SLC24A3: variants seen among roughly 807,000 people sequenced by gnomAD.
SLC24A3 encodes the protein sodium/potassium/calcium exchanger 3.
In SLC24A3, 28 loss-of-function variants were observed where a neutral mutation model predicts 75.8. The observed-to-expected ratio is 0.37, with a 90% CI of 0.27 to 0.51. The LOEUF is 0.51. Ranked by LOEUF, SLC24A3 falls within the 20% of genes least tolerant of loss-of-function variation. SLC24A3 has a pLI of 0.94. For synonymous variants in SLC24A3, 372 were observed against 334.1 expected, an observed-to-expected ratio of 1.11 and a Z score of -1.24; for missense variants, 663 against 847.8, an observed-to-expected ratio of 0.78 and a Z score of 2.71.
intron 2 of SLC24A3, among the ~76,000 whole-genome samples, chr20:19,373,151 C>T (rs1252923131): frequency 1.3e-5 from 2 of 152,106 alleles, no homozygotes; most frequent in African/African-American, 4.8e-5. Flanking sequence ...GCCTGTCTCA[C>T]TTTGTCTATT....
chr20:19,230,683 A>G (rs1981997195), intron 1 of SLC24A3, among the ~76,000 whole-genome samples: 1 of 151,592 alleles, frequency 6.6e-6, no homozygotes, highest in South Asian at 2.1e-4. Context: ...CCTTTACAAC[A>G]GTTCCTTTCA....
intron 2 of SLC24A3, among the ~76,000 whole-genome samples, chr20:19,315,273 G>A (rs1194856400): frequency 6.6e-6 from 1 of 152,160 alleles, no homozygotes; most frequent in African/African-American, 2.4e-5. Context: ...AAATGGAAAG[G>A]AGGCTGCGGC....
At chr20:19,580,456 A>C (rs1007223413) in intron 4 of SLC24A3, among the ~76,000 whole-genome samples, 4 of 151,766 alleles carry the variant, frequency 2.6e-5, no homozygotes, top group Admixed American at 2.6e-4. Context: ...CTCTCCTTTG[A>C]TATCCATGGC....
At chr20:19,556,401 C>G (rs749185923) in intron 3 of SLC24A3, among the ~76,000 whole-genome samples, 1 of 152,060 alleles carries the variant, frequency 6.6e-6, no homozygotes, top group Non-Finnish European at 1.5e-5. Flanking sequence ...TGTCCTCTCT[C>G]CCACCCCATC....
chr20:19,257,503 A>T (rs1003446336), intron 1 of SLC24A3: 3 of 152,238 alleles, frequency 2.0e-5, no homozygotes, highest in Non-Finnish European at 4.4e-5. Flanking sequence ...AAAAGGCTCA[A>T]TGTCAAAACA....
chr20:19,212,995 G>C lies in SLC24A3; in HGVS notation c.142+11G>C. ...TGCGAGAGCAGAAGGGTGAGTGCAC[G>C]CTGCCTGCCCCGAGTGGGCGCTGCG... On this transcript the variant is annotated intron_variant, in intron 1 of 16. Transcript: ENST00000328041. 2.4e-6 allele frequency: 3 copies of C among 1,266,192 alleles called. No homozygotes were observed. Among genetic ancestry groups the C allele is most frequent in the Non-Finnish European group, 3.0e-6 (3 of 1,003,662 alleles). The allele number at this position is 1,266,192 out of a possible 1,614,324, so 78.4% of individuals were successfully genotyped here.
intron 2 of SLC24A3, among the ~76,000 whole-genome samples, chr20:19,404,540 C>T (rs980808080): frequency 6.6e-6 from 1 of 152,208 alleles, no homozygotes; most frequent in African/African-American, 2.4e-5. Flanking sequence ...CAGTTTTTTG[C>T]CTGGCCTTCC....
chr20:19,283,535 G>A (rs73899696), intron 2 of SLC24A3, among the ~76,000 whole-genome samples: 1 of 152,174 alleles, frequency 6.6e-6, no homozygotes, highest in African/African-American at 2.4e-5. Context: ...ATTGGACAGG[G>A]TGGTCAGAAC....
At chr20:19,307,016 G>A (rs1188833271) in intron 2 of SLC24A3, among the ~76,000 whole-genome samples, 1 of 152,158 alleles carries the variant, frequency 6.6e-6, no homozygotes, top group Non-Finnish European at 1.5e-5. Context: ...GCCTTCTGAA[G>A]GCTCTGGCTG....
At chr20:19,213,037 G>A (rs1218018349) in intron 1 of SLC24A3, 53 bp downstream of exon 1, 2 of 1,182,456 alleles carry the variant, frequency 1.7e-6, no homozygotes, top group Non-Finnish European at 2.1e-6. Flanking sequence ...GCGGCTCGGG[G>A]CTCCCGGGGC....
chr20:19,412,289 C>T (rs1335724585), intron 2 of SLC24A3, among the ~76,000 whole-genome samples: 3 of 152,036 alleles, frequency 2.0e-5, no homozygotes, highest in Non-Finnish European at 4.4e-5. Context: ...GGTGGCAAGA[C>T]AGAACTGTAA....
chr20:19,354,696 C>T (rs7272968), intron 2 of SLC24A3, among the ~76,000 whole-genome samples: 17,086 of 151,246 alleles, frequency 0.11, 2,592 homozygotes, highest in African/African-American at 0.35. Flanking sequence ...AAGATTAAAA[C>T]TACATGAGAT....
At chr20:19,319,558 A>T (rs1035950784) in intron 2 of SLC24A3, among the ~76,000 whole-genome samples, 7 of 152,224 alleles carry the variant, frequency 4.6e-5, no homozygotes, top group Non-Finnish European at 1.0e-4. Context: ...AGATGCAGAA[A>T]TTAATAAAAT....
In SLC24A3 at chr20:19,715,369, G is replaced by A. The variant is rs528547334; in HGVS notation, c.1720-2159G>A. 1.1e-4 allele frequency among the ~76,000 whole-genome samples: 17 copies of A among 152,286 alleles called. 1 individual carries two copies. In the South Asian group the frequency reaches 2.7e-3, roughly 24 times the overall value. ...GTTAAGCCACCAGCTGGACTGCGAC[G>A]GGGCCGATCTGCCATTTTTCCACAC... is the stretch of plus-strand genomic sequence containing the variant. On this transcript the variant is annotated intron_variant, in intron 15 of 16. Coordinates refer to ENST00000328041, the MANE Select transcript of SLC24A3 (RefSeq NM_020689.4).
chr20:19,548,306 A>G (rs1249855887), intron 3 of SLC24A3, among the ~76,000 whole-genome samples: 1 of 152,188 alleles, frequency 6.6e-6, no homozygotes, highest in African/African-American at 2.4e-5. Flanking sequence ...GTTTTCCCAT[A>G]TGCTAACACT....
intron 1 of SLC24A3, among the ~76,000 whole-genome samples, chr20:19,268,849 C>G (rs777736133): frequency 6.6e-6 from 1 of 152,222 alleles, no homozygotes; most frequent in Non-Finnish European, 1.5e-5. Context: ...ACCAGTGAGA[C>G]TGGCTGGCTT....
intron 2 of SLC24A3, among the ~76,000 whole-genome samples, chr20:19,426,930 G>C (rs772106908): frequency 1.1e-4 from 16 of 152,128 alleles, no homozygotes; most frequent in Non-Finnish European, 1.8e-4. Context: ...AAAGAACAGA[G>C]AACAAAGGAA....
At chr20:19,536,999 T>C (rs1398632281) in intron 3 of SLC24A3, among the ~76,000 whole-genome samples, 1 of 152,086 alleles carries the variant, frequency 6.6e-6, no homozygotes, top group Non-Finnish European at 1.5e-5. Flanking sequence ...CCAAAAGCAA[T>C]GGCAACAAAA....
chr20:19,380,367 A>G (rs1986159696), intron 2 of SLC24A3, among the ~76,000 whole-genome samples: 1 of 152,192 alleles, frequency 6.6e-6, no homozygotes, highest in Non-Finnish European at 1.5e-5. Flanking sequence ...CGGCAATACT[A>G]GTCCTTGTGG....
Sources: allele counts gnomAD v4.1 joint callset (sites outside exome capture counted in the v4.1 genomes callset), GRCh38; gene constraint gnomAD v4.1.1; transcripts MANE v1.5; gene names NCBI Gene and HGNC (gene_info 2026-07-23, HGNC 2026-07-21).